The following CNTN5 variants were observed in gnomAD, a reference collection of about 807,000 sequenced individuals.
CNTN5 encodes the protein contactin-5.
CNTN5 carries 77 observed loss-of-function variants against 129.1 expected under a neutral mutation model. That is an observed-to-expected ratio of 0.60 (90% CI 0.50 to 0.72). The LOEUF is 0.72. Among genes scored for constraint, CNTN5 ranks in the 30% least tolerant of loss-of-function variants. CNTN5 has a pLI of 0.00. For synonymous variants in CNTN5, 509 were observed against 465.6 expected, an observed-to-expected ratio of 1.09 and a Z score of -1.20; for missense variants, 1,478 against 1,328.8, an observed-to-expected ratio of 1.11 and a Z score of -1.75.
intron 13 of CNTN5, among the ~76,000 whole-genome samples, chr11:100,164,402 A>C (rs1156265449): frequency 1.3e-5 from 2 of 151,776 alleles, no homozygotes; most frequent in Admixed American, 6.6e-5. Context: ...AGAGATAGCT[A>C]TATCTTTCTT....
intron 13 of CNTN5, among the ~76,000 whole-genome samples, chr11:100,172,603 G>A (rs1166212082): frequency 1.3e-5 from 2 of 151,940 alleles, no homozygotes; most frequent in African/African-American, 4.8e-5. Context: ...AGAATGATAA[G>A]TAATGTATTA....
intron 4 of CNTN5, 145 bp from the exon 5 acceptor site, chr11:99,844,707 C>T: frequency 1.5e-6 from 1 of 680,476 alleles, no homozygotes; most frequent in Non-Finnish European, 2.5e-6. Flanking sequence ...ATGCAGTTTT[C>T]TAGCTATTCC....
intron 3 of CNTN5, among the ~76,000 whole-genome samples, chr11:99,784,132 C>G (rs974341981): frequency 2.6e-5 from 4 of 151,980 alleles, no homozygotes; most frequent in Non-Finnish European, 5.9e-5. Context: ...TCAGTCAACC[C>G]AGGTTCAGAA....
chr11:100,042,218 G>GTT (rs1942419573), intron 9 of CNTN5, among the ~76,000 whole-genome samples: 1 of 143,198 alleles, frequency 7.0e-6, no homozygotes, highest in Non-Finnish European at 1.5e-5. Flanking sequence ...GTTTAGTTTT[G>GTT]TTCTCTCTCT....
chr11:99,989,700 A>G (rs1167133586), intron 8 of CNTN5, among the ~76,000 whole-genome samples: 6 of 152,212 alleles, frequency 3.9e-5, no homozygotes, highest in Non-Finnish European at 5.9e-5. Flanking sequence ...TTTCTTTAAA[A>G]AAAACTTCAT....
chr11:99,968,656 C>CTCTTTTTT (rs1951161575), intron 8 of CNTN5, among the ~76,000 whole-genome samples: 6 of 73,870 alleles, frequency 8.1e-5, no homozygotes, highest in African/African-American at 1.5e-4. Context: ...GCTTTGGGTA[C>CTCTTTTTT]TTTTTTTTTT....
chr11:99,050,276 T>C (rs914053166), intron 1 of CNTN5, among the ~76,000 whole-genome samples: 6 of 152,050 alleles, frequency 3.9e-5, no homozygotes, highest in African/African-American at 1.2e-4. Context: ...TTTTACATAA[T>C]ATAATTTGAA....
intron 1 of CNTN5, among the ~76,000 whole-genome samples, chr11:99,057,378 C>G (rs1283300535): frequency 1.3e-5 from 2 of 151,874 alleles, no homozygotes; most frequent in African/African-American, 2.4e-5. Context: ...TAAATAATGC[C>G]CTTGGCTTAT....
chr11:99,169,051 T>C (rs1861022527), intron 1 of CNTN5, among the ~76,000 whole-genome samples: 1 of 152,210 alleles, frequency 6.6e-6, no homozygotes, highest in Non-Finnish European at 1.5e-5. Context: ...ACTGTACATG[T>C]AGGACTTAGT....
At chr11:99,861,030 A>G (rs893867076) in intron 6 of CNTN5, among the ~76,000 whole-genome samples, 2 of 133,814 alleles carry the variant, frequency 1.5e-5, no homozygotes, top group Non-Finnish European at 3.0e-5. Context: ...ATCTCATCTC[A>G]CTGCAAACTG....
At chr11:99,656,890 A>G (rs1952389162) in intron 3 of CNTN5, among the ~76,000 whole-genome samples, 1 of 152,034 alleles carries the variant, frequency 6.6e-6, no homozygotes, top group Admixed American at 6.6e-5. Flanking sequence ...AATTGTCTGT[A>G]GAAAACCCCT....
chr11:100,302,844 A>T (rs554613530), intron 20 of CNTN5, among the ~76,000 whole-genome samples: 26 of 151,774 alleles, frequency 1.7e-4, no homozygotes, highest in Non-Finnish European at 3.0e-4. Context: ...ATCAGAATGC[A>T]AATAAAATTA....
At chr11:99,825,827 C>G (rs1946936626) in intron 4 of CNTN5, among the ~76,000 whole-genome samples, 1 of 152,024 alleles carries the variant, frequency 6.6e-6, no homozygotes, top group Non-Finnish European at 1.5e-5. Context: ...TGTACCTTTA[C>G]TATGTACTTT....
intron 9 of CNTN5, among the ~76,000 whole-genome samples, chr11:100,027,498 C>G (rs961431165): frequency 5.9e-5 from 9 of 152,118 alleles, no homozygotes; most frequent in African/African-American, 2.2e-4. Context: ...CTATTCCTGG[C>G]CTGTATAAAT....
At chr11:99,485,392 T>G (rs1434730443) in intron 2 of CNTN5, among the ~76,000 whole-genome samples, 1 of 152,082 alleles carries the variant, frequency 6.6e-6, no homozygotes, top group Non-Finnish European at 1.5e-5. Flanking sequence ...AGCCACAGAA[T>G]GTACAATACT....
chr11:99,219,423 G>A (rs1860289587), intron 1 of CNTN5, among the ~76,000 whole-genome samples: 1 of 151,840 alleles, frequency 6.6e-6, no homozygotes, highest in African/African-American at 2.4e-5. Context: ...TGGATAAGGT[G>A]AGTAATTTTG....
chr11:99,119,115 C>T (rs1858182374), intron 1 of CNTN5, among the ~76,000 whole-genome samples: 1 of 152,068 alleles, frequency 6.6e-6, no homozygotes, highest in South Asian at 2.1e-4. Context: ...AATGAAATAT[C>T]TTCTCCATTA....
chr11:99,300,964 CTAATAG>C (rs1864607881), intron 1 of CNTN5, among the ~76,000 whole-genome samples: 1 of 151,502 alleles, frequency 6.6e-6, no homozygotes, highest in African/African-American at 2.4e-5. Context: ...TTTTATGGCC[CTAATAG>C]TAAAAGTGGG....
intron 9 of CNTN5, among the ~76,000 whole-genome samples, chr11:100,021,509 C>T (rs1386873058): frequency 1.3e-5 from 2 of 152,124 alleles, no homozygotes; most frequent in African/African-American, 2.4e-5. Context: ...AGTGTACATA[C>T]TTTAGGATGT....
Sources: allele counts gnomAD v4.1 joint callset (sites outside exome capture counted in the v4.1 genomes callset), GRCh38; gene constraint gnomAD v4.1.1; transcripts MANE v1.5; gene names NCBI Gene and HGNC (gene_info 2026-07-23, HGNC 2026-07-21).